Variants in KHDRBS1 observed in about 807,000 individuals in gnomAD.
KHDRBS1 encodes KH domain-containing, RNA-binding, signal transduction-associated protein 1.
Under a neutral mutation model 48.4 loss-of-function variants are expected in KHDRBS1, and 7 were observed. The observed-to-expected ratio is 0.14, with a 90% CI of 0.08 to 0.27. The LOEUF (loss-of-function observed/expected upper bound fraction) is 0.27. KHDRBS1 is among the 10% of genes least tolerant of loss of function. The pLI is 1.00. For synonymous variants in KHDRBS1, 241 were observed against 235.8 expected (o/e 1.02, Z -0.20); for missense variants, 458 against 601.2 (o/e 0.76, Z 2.49).
chr1:32,037,368 C>T (rs112113858), intron 5 of KHDRBS1, among the ~76,000 whole-genome samples: 4,240 of 151,346 alleles, frequency 0.028, 189 homozygotes, highest in African/African-American at 0.096. Context: ...TGCTTGAACC[C>T]AGGAGACGGA....
chr1:32,058,258 TTTTA>T (rs1248646553), intron 10 of KHDRBS1, among the ~76,000 whole-genome samples: 1 of 152,196 alleles, frequency 6.6e-6, no homozygotes, highest in Non-Finnish European at 1.5e-5. Flanking sequence ...CAGCTTATTT[TTTTA>T]TTTTTTGTAG....
At chr1:32,018,954 C>T (rs1638799749) in intron 1 of KHDRBS1, among the ~76,000 whole-genome samples, 1 of 151,066 alleles carries the variant, frequency 6.6e-6, no homozygotes, top group Non-Finnish European at 1.5e-5. Context: ...GCCTGTAATC[C>T]TAGCTACTCG....
intron 1 of KHDRBS1, among the ~76,000 whole-genome samples, chr1:32,015,767 G>A (rs1020417163): frequency 2.4e-4 from 37 of 152,182 alleles, no homozygotes; most frequent in African/African-American, 8.0e-4. Flanking sequence ...AATATATGTT[G>A]AGCCTGGCTT....
chr1:32,027,718 A>G (rs1639003051), intron 1 of KHDRBS1, among the ~76,000 whole-genome samples: 1 of 152,246 alleles, frequency 6.6e-6, no homozygotes, highest in Admixed American at 6.5e-5. Flanking sequence ...TTAACAAACA[A>G]GCATTCAGTC....
chr1:32,054,489 C>T (rs1292426869), intron 10 of KHDRBS1: 2 of 152,150 alleles, frequency 1.3e-5, no homozygotes, highest in Non-Finnish European at 2.9e-5. Flanking sequence ...AGGGAATCTC[C>T]TTGTGTCGTA....
In KHDRBS1 at chr1:32,030,421, AGGT is replaced by A. The variant is rs1185841634; in HGVS notation, c.507_507+2del. 6.2e-7 allele frequency: 1 copy of A among 1,600,876 alleles called. No homozygotes were observed. ...CTGATACCTGTCAAGCAGTATCCCA[AGGT>A]AAGGCAAAAAGTGCTTTGGATCTTT... is the stretch of plus-strand genomic sequence containing the variant. On this transcript the variant is annotated splice_donor_variant and coding_sequence_variant, in exon 2 of 9. Transcript: ENST00000327300. LOFTEE classifies it high-confidence loss of function.
chr1:32,032,553 T>TAG (rs10695984), intron 3 of KHDRBS1, among the ~76,000 whole-genome samples: 7,383 of 152,230 alleles, frequency 0.048, 593 homozygotes, highest in African/African-American at 0.17. Context: ...ATTATCTGAA[T>TAG]AGACTAGAAT....
intron 1 of KHDRBS1, among the ~76,000 whole-genome samples, chr1:32,024,166 T>C (rs1358961656): frequency 6.6e-6 from 1 of 151,978 alleles, no homozygotes; most frequent in Non-Finnish European, 1.5e-5. Flanking sequence ...GTAGGGAGAA[T>C]TGCTTGAACC....
chr1:32,020,616 T>TA (rs970503623), intron 1 of KHDRBS1, among the ~76,000 whole-genome samples: 4,390 of 77,480 alleles, frequency 0.057, 165 homozygotes, highest in African/African-American at 0.14. Flanking sequence ...TACTGTGCAA[T>TA]AAAAAAAAAA....
chr1:32,044,745 A>G (rs1639338327), downstream of KHDRBS1, among the ~76,000 whole-genome samples: 1 of 152,052 alleles, frequency 6.6e-6, no homozygotes, highest in Non-Finnish European at 1.5e-5. Context: ...ATCACTCTAT[A>G]CCCCCCTTTT....
At position 32,021,133 on chromosome 1, in the gene KHDRBS1, T is replaced by A. The variant is rs534690368; in HGVS notation, c.382+6756T>A. Reference sequence around the variant, plus strand: ...ATTGCCTTAAAATTAAAAAAAAAAATTTTCAAAGTTGCAAAGCTCTAAATT... The same window carrying A: ...ATTGCCTTAAAATTAAAAAAAAAAAATTTCAAAGTTGCAAAGCTCTAAATT... On this transcript the variant is annotated intron_variant, in intron 1 of 8. Transcript: ENST00000327300. Among the ~76,000 whole-genome samples, 1,347 of 151,986 alleles carry A rather than the reference T, an allele frequency of 8.9e-3. 20 individuals carry two copies. The highest frequency in any genetic ancestry group is 0.027 in the African/African-American group (1,125 of 41,470).
chr1:32,037,727 G>A, intron 5 of KHDRBS1, 108 bp from the exon 6 acceptor site: 1 of 1,211,084 alleles, frequency 8.3e-7, no homozygotes, highest in Non-Finnish European at 1.2e-6. Context: ...TAATAGCCTA[G>A]TTAAGGCTTC....
chr1:32,040,259 C>CA (rs1337399800), intron 8 of KHDRBS1, among the ~76,000 whole-genome samples: 4 of 151,898 alleles, frequency 2.6e-5, no homozygotes, highest in Non-Finnish European at 5.9e-5. Context: ...ACTAAAAATA[C>CA]AAAAAAATTA....
In KHDRBS1 at chr1:32,038,694, G is replaced by A. The variant is rs370283675; in HGVS notation, c.1175+75G>A. The A allele has an allele frequency of 2.9e-5, 41 of 1,414,300 alleles. No individual in the cohort carries two copies. In the East Asian group the frequency reaches 8.1e-4, roughly 28 times the overall value. The allele number at this position is 1,414,300 out of a possible 1,614,324, so 87.6% of individuals were successfully genotyped here. A position where few individuals can be genotyped will look rare whatever the true frequency, so the allele number is the denominator to read the frequency against. On this transcript the variant is annotated intron_variant, in intron 7 of 8. Coordinates refer to ENST00000327300, the MANE Select transcript of KHDRBS1 (RefSeq NM_006559.3). ...GGAGTTGGAGGAACAGAGAGATTTA[G>A]ACAGTACAACCCTAAGGAGCAGAAT...
chr1:32,026,630 AAC>A (rs1472676264), intron 1 of KHDRBS1, among the ~76,000 whole-genome samples: 1 of 152,208 alleles, frequency 6.6e-6, no homozygotes, highest in African/African-American at 2.4e-5. Context: ...ATTGCATATA[AAC>A]ACACCTTCTT....
chr1:32,020,587 C>T (rs897423756), intron 1 of KHDRBS1, among the ~76,000 whole-genome samples: 12 of 147,532 alleles, frequency 8.1e-5, no homozygotes, highest in South Asian at 2.1e-4. Context: ...TAAACTGGCA[C>T]ACCCATACAG....
intron 10 of KHDRBS1, among the ~76,000 whole-genome samples, chr1:32,057,694 G>C (rs2124403517): frequency 6.6e-6 from 1 of 151,702 alleles, no homozygotes; most frequent in East Asian, 1.9e-4. Flanking sequence ...AGCTACTCGG[G>C]AGGCTGAGGC....
chr1:32,036,880 C>T (rs372913443), intron 4 of KHDRBS1, 30 bp from the exon 5 acceptor site: 3 of 1,599,984 alleles, frequency 1.9e-6, no homozygotes, highest in Admixed American at 1.7e-5. Flanking sequence ...GTAGATACCA[C>T]ACAATACTCC....
At chr1:32,038,468 A>G (rs895137965) in intron 6 of KHDRBS1, 84 bp from the exon 7 acceptor site, 22 of 1,312,662 alleles carry the variant, frequency 1.7e-5, no homozygotes, top group African/African-American at 8.8e-5. Context: ...TCAGAAGCCT[A>G]CTTACTCCCA....
Sources: allele counts gnomAD v4.1 joint callset (sites outside exome capture counted in the v4.1 genomes callset), GRCh38; gene constraint gnomAD v4.1.1; transcripts MANE v1.5; gene names NCBI Gene and HGNC (gene_info 2026-07-23, HGNC 2026-07-21).